CFAP20DC: variants seen among roughly 807,000 people sequenced by gnomAD.
The protein encoded by CFAP20DC is protein CFAP20DC.
A neutral mutation model predicts 101.7 loss-of-function variants in CFAP20DC; 84 were observed. That is an observed-to-expected ratio of 0.83 (90% CI 0.69 to 0.99). CFAP20DC has a LOEUF of 0.99. CFAP20DC is among the 50% of genes least tolerant of loss of function. The pLI, the probability that CFAP20DC is intolerant of heterozygous loss-of-function variation, is 0.00. For synonymous variants in CFAP20DC, 359 were observed against 351.2 expected (o/e 1.02, Z -0.25); for missense variants, 1,007 against 970.3 (o/e 1.04, Z -0.50).
In CFAP20DC at chr3:58,996,357, G is replaced by T. The variant is rs576872219; in HGVS notation, c.278+43200C>A. ...TAGGCTTCACGTAACAACCCACATG[G>T]CTGCCTTTATCTACTCTTCCTACCA... On this transcript the variant is annotated intron_variant, in intron 4 of 16. Transcript: ENST00000482387. 4.7e-4 allele frequency among the ~76,000 whole-genome samples: 72 copies of T among 152,220 alleles called. 1 individual carries two copies. The highest frequency in any genetic ancestry group is 1.7e-3 in the African/African-American group (71 of 41,530).
At chr3:58,937,125 T>C (rs2087800193) in intron 5 of CFAP20DC, among the ~76,000 whole-genome samples, 1 of 152,184 alleles carries the variant, frequency 6.6e-6, no homozygotes, top group African/African-American at 2.4e-5. Context: ...ACTTAAAATG[T>C]CTGAACCCAT....
chr3:58,890,998 A>T (rs1458704695), intron 6 of CFAP20DC, among the ~76,000 whole-genome samples: 9 of 144,160 alleles, frequency 6.2e-5, no homozygotes, highest in African/African-American at 1.3e-4. Flanking sequence ...CCAGGCAGAG[A>T]CACTCCTCAC....
intron 15 of CFAP20DC, among the ~76,000 whole-genome samples, chr3:58,765,737 G>A (rs2070248303): frequency 6.6e-6 from 1 of 152,000 alleles, no homozygotes; most frequent in Admixed American, 6.6e-5. Context: ...CTTATATTAG[G>A]AATTTAACAA....
chr3:58,953,235 A>G (rs879386945), intron 4 of CFAP20DC, among the ~76,000 whole-genome samples: 18 of 151,878 alleles, frequency 1.2e-4, no homozygotes, highest in Non-Finnish European at 1.9e-4. Flanking sequence ...AGAAAGATTC[A>G]CTCCTCTGCT....
chr3:58,948,545 T>A (rs2089665964), intron 4 of CFAP20DC, among the ~76,000 whole-genome samples: 1 of 152,224 alleles, frequency 6.6e-6, no homozygotes, highest in Admixed American at 6.5e-5. Context: ...TAGTCCCATA[T>A]ATTCCAGTTT....
downstream of CFAP20DC, among the ~76,000 whole-genome samples, chr3:58,737,655 T>C (rs940771420): frequency 7.2e-5 from 11 of 152,166 alleles, no homozygotes; most frequent in African/African-American, 9.7e-5. The surrounding 1 kb of genome is among the most constrained non-coding windows in gnomAD (Gnocchi z 4.1). Context: ...GGTTTGACAA[T>C]GGACCTCTTC....
intron 15 of CFAP20DC, among the ~76,000 whole-genome samples, chr3:58,804,695 G>A (rs977040959): frequency 6.6e-6 from 1 of 152,138 alleles, no homozygotes; most frequent in African/African-American, 2.4e-5. Flanking sequence ...TTGGACCACA[G>A]TTGGATTTCC....
Position 58,869,241 on chromosome 3 carries a change from C to G in CFAP20DC, c.1015+87G>C. The G allele has an allele frequency of 1.8e-6, 2 of 1,097,414 alleles. No individual in the cohort carries two copies. The highest frequency in any genetic ancestry group is 2.6e-6 in the Non-Finnish European group (2 of 771,538). 68.0% of individuals were successfully genotyped at this position (1,097,414 alleles called of 1,614,324 possible). On this transcript the variant is annotated intron_variant, in intron 9 of 16. Transcript: ENST00000482387. This position sits in a 1 kb window ranked among gnomAD's most constrained non-coding sequence, Gnocchi z 4.3. ...CAATTCTCTAGACTTAAGATCTAGA[C>G]TTGAATATAACTGCTGATTTATCTT...
At chr3:58,877,160 C>T (rs1357916907) in intron 7 of CFAP20DC, among the ~76,000 whole-genome samples, 1 of 152,068 alleles carries the variant, frequency 6.6e-6, no homozygotes, top group Non-Finnish European at 1.5e-5. Flanking sequence ...TTTAGTAAGT[C>T]TGTTCACAGT....
At chr3:58,769,616 C>T (rs901795232) in intron 15 of CFAP20DC, among the ~76,000 whole-genome samples, 3 of 151,926 alleles carry the variant, frequency 2.0e-5, no homozygotes, top group African/African-American at 4.8e-5. Context: ...CTGAGAGTGG[C>T]GGGAGGAATA....
At chr3:58,972,652 C>T (rs994601882) in intron 4 of CFAP20DC, among the ~76,000 whole-genome samples, 5 of 152,098 alleles carry the variant, frequency 3.3e-5, no homozygotes, top group African/African-American at 1.2e-4. Context: ...TTAAGTTAGA[C>T]AATATGCAGA....
At position 58,864,027 on chromosome 3, in the gene CFAP20DC, G is replaced by C. The variant is rs144235333; in HGVS notation, c.1259-135C>G. The C allele has an allele frequency of 2.4e-6, 2 of 823,852 alleles. No homozygotes were observed. Among genetic ancestry groups the C allele is most frequent in the Non-Finnish European group, 1.8e-6 (1 of 550,560 alleles). 51.0% of individuals were successfully genotyped at this position (823,852 alleles called of 1,614,324 possible). A position where few individuals can be genotyped will look rare whatever the true frequency, so the allele number is the denominator to read the frequency against. ...GGCTGCAGTGCAGTCACGCGATCTC[G>C]GCTCACTGCAACCTCCGCCTCCCAA... is the stretch of plus-strand genomic sequence containing the variant. On this transcript the variant is annotated intron_variant, in intron 11 of 16. Transcript: ENST00000482387. The surrounding 1 kb of genome is among the most constrained non-coding windows in gnomAD (Gnocchi z 4.7).
chr3:58,749,522 T>C (rs2068425270), intron 16 of CFAP20DC, among the ~76,000 whole-genome samples: 1 of 152,240 alleles, frequency 6.6e-6, no homozygotes, highest in Admixed American at 6.5e-5. Context: ...AAGCATCTGC[T>C]ACCCATTTAT....
chr3:58,808,953 CA>C (rs1267928074), intron 14 of CFAP20DC, among the ~76,000 whole-genome samples: 1 of 151,872 alleles, frequency 6.6e-6, no homozygotes, highest in Non-Finnish European at 1.5e-5. Context: ...CAACAAAGAT[CA>C]AAAGAGACAA....
chr3:58,978,914 A>G (rs2092400080), intron 4 of CFAP20DC, among the ~76,000 whole-genome samples: 1 of 152,072 alleles, frequency 6.6e-6, no homozygotes. Context: ...GGCTAAACTC[A>G]GCAATATCCA....
At chr3:58,999,843 TAAA>T (rs565894929) in intron 4 of CFAP20DC, among the ~76,000 whole-genome samples, 5 of 76,788 alleles carry the variant, frequency 6.5e-5, no homozygotes, top group African/African-American at 1.8e-4. Flanking sequence ...GTCACTAATG[TAAA>T]AAAAAAAAAA....
Position 58,937,640 on chromosome 3 carries a change from ATACT to A in CFAP20DC, c.393+4_393+7del, listed in dbSNP as rs1294826612. Reference sequence around the variant, plus strand: ...TAATATTTTAGGCAACATTCATGTGATACTTACAATTTTACGTTTGATCATGAAG... The same window carrying A: ...TAATATTTTAGGCAACATTCATGTGATACAATTTTACGTTTGATCATGAAG... On this transcript the variant is annotated splice_donor_5th_base_variant and intron_variant, in intron 5 of 16. Coordinates refer to ENST00000482387, the MANE Select transcript of CFAP20DC (RefSeq NM_001394063.1). 1 of 1,505,008 alleles carries A rather than the reference ATACT, an allele frequency of 6.6e-7. No individual in the cohort carries two copies. The highest frequency in any genetic ancestry group is 1.1e-5 in the South Asian group (1 of 88,838). The allele number at this position is 1,505,008 out of a possible 1,614,324, so 93.2% of individuals were successfully genotyped here. A position where few individuals can be genotyped will look rare whatever the true frequency, so the allele number is the denominator to read the frequency against.
chr3:58,985,411 GT>G (rs1010307709), intron 4 of CFAP20DC, among the ~76,000 whole-genome samples: 27 of 151,262 alleles, frequency 1.8e-4, no homozygotes, highest in Admixed American at 6.6e-4. Context: ...ACCATATCTA[GT>G]TTTTTTTTCT....
At chr3:58,978,166 C>T (rs1408270065) in intron 4 of CFAP20DC, among the ~76,000 whole-genome samples, 1 of 152,078 alleles carries the variant, frequency 6.6e-6, no homozygotes, top group Non-Finnish European at 1.5e-5. Flanking sequence ...AGCACCCTAC[C>T]ATTTACCTTC....
Sources: allele counts gnomAD v4.1 joint callset (sites outside exome capture counted in the v4.1 genomes callset), GRCh38; gene constraint gnomAD v4.1.1; non-coding constraint Gnocchi (gnomAD v3.1); transcripts MANE v1.5; gene names NCBI Gene and HGNC (gene_info 2026-07-23, HGNC 2026-07-21).